The following ANPEP variants were observed in gnomAD, a reference collection of about 807,000 sequenced individuals.
ANPEP encodes alanyl aminopeptidase, membrane.
A neutral mutation model predicts 114.6 loss-of-function variants in ANPEP; 70 were observed. The observed-to-expected ratio is 0.61, with a 90% CI of 0.50 to 0.75. The LOEUF is 0.75. Ranked by LOEUF, ANPEP falls within the 30% of genes least tolerant of loss-of-function variation. ANPEP has a pLI of 0.00. For missense variants in ANPEP, 1,184 were observed against 1,259.5 expected (o/e 0.94, Z 0.91); for synonymous variants, 548 against 522.3 (o/e 1.05, Z -0.67).
At position 89,804,405 on chromosome 15, in the gene ANPEP, G is replaced by C; in HGVS notation, c.1027C>G (p.Gln343Glu). The C allele has an allele frequency of 6.2e-7, 1 of 1,614,222 alleles. No homozygotes were observed. Among genetic ancestry groups the C allele is most frequent in the Non-Finnish European group, 8.5e-7 (1 of 1,180,030 alleles). Residue 343 changes from glutamine to glutamate, a missense_variant and splice_region_variant, in exon 6 of 21, where the codon CAG becomes GAG. Coordinates refer to ENST00000300060, the MANE Select transcript of ANPEP (RefSeq NM_001150.3). ...GCGTTGAAGTCTGGCAGGCCAATCT[G>C]GTCTGGGGAGGCGATGCCATTGGCA... ...DTPYPLPKSD[Q>E]IGLPDFNAGA...
chr15:89,796,747 G>C (rs34493756), intron 15 of ANPEP, among the ~76,000 whole-genome samples: 1 of 151,704 alleles, frequency 6.6e-6, no homozygotes, highest in South Asian at 2.1e-4. Flanking sequence ...CGCCTGCCTC[G>C]GCCTCCCAAA....
Position 89,806,827 on chromosome 15 carries a change from C to A in ANPEP, c.-223-21G>T. On this transcript the variant is annotated intron_variant, in intron 1 of 20. Transcript: ENST00000300060. This position sits in a 1 kb window ranked among gnomAD's most constrained non-coding sequence, Gnocchi z 5.7. ...GGTGCCTGCTGGAAGCAAACAGTGTCTGGTTACAGGCTGCAGGCGGCCTGG... is the reference window on the plus strand; with the variant it reads ...GGTGCCTGCTGGAAGCAAACAGTGTATGGTTACAGGCTGCAGGCGGCCTGG... 1 of 555,684 alleles carries A rather than the reference C, an allele frequency of 1.8e-6. No individual in the cohort carries two copies. Among genetic ancestry groups the A allele is most frequent in the Non-Finnish European group, 3.1e-6 (1 of 327,324 alleles). The allele number at this position is 555,684 out of a possible 1,614,324, so 34.4% of individuals were successfully genotyped here.
chr15:89,810,735 A>G (rs1196590312), intron 1 of ANPEP, among the ~76,000 whole-genome samples: 4 of 152,346 alleles, frequency 2.6e-5, no homozygotes, highest in African/African-American at 9.6e-5. Flanking sequence ...GAATGACAAC[A>G]CCCACAGTCC....
chr15:89,790,472 A>G lies in ANPEP; in HGVS notation c.2739T>C (p.Tyr913=), dbSNP rs764741981. The G allele has an allele frequency of 6.2e-7, 1 of 1,613,758 alleles. No homozygotes were observed. The highest frequency in any genetic ancestry group is 1.1e-5 in the South Asian group (1 of 91,074). ...QAVTRRFSTE[Y]ELQQLEQFKK... is the part of the protein sequence containing the mutation. Reference sequence around the variant, plus strand: ...AATGACTTCTTACCTGCTGCAGCTCATACTCGGTGGAGAATCGTCGTGTCA... The same window carrying G: ...AATGACTTCTTACCTGCTGCAGCTCGTACTCGGTGGAGAATCGTCGTGTCA... Residue 913 remains tyrosine (Y), a synonymous_variant, in exon 20 of 21, where the codon TAT becomes TAC. Transcript: ENST00000300060.
intron 20 of ANPEP, among the ~76,000 whole-genome samples, chr15:89,789,456 A>C (rs1177385496): frequency 6.6e-6 from 1 of 152,072 alleles, no homozygotes; most frequent in Non-Finnish European, 1.5e-5. Context: ...GGGTTTGCTA[A>C]GGACAGTGTG....
chr15:89,811,425 T>C (rs977687476), intron 1 of ANPEP, among the ~76,000 whole-genome samples: 2 of 151,928 alleles, frequency 1.3e-5, no homozygotes, highest in Non-Finnish European at 2.9e-5. Context: ...GGCGGACGGA[T>C]CACGAGGTCA....
At position 89,804,530 on chromosome 15, in the gene ANPEP, C is replaced by G. The variant is rs749017463; in HGVS notation, c.985G>C (p.Ala329Pro). 6.2e-7 allele frequency: 1 copy of G among 1,614,176 alleles called. No homozygotes were observed. Among genetic ancestry groups the G allele is most frequent in the Non-Finnish European group, 8.5e-7 (1 of 1,180,042 alleles). The change falls in exon 5 of 21, where the codon GCT becomes CCT. Residue 329 changes from alanine to proline, a missense_variant. Coordinates refer to ENST00000300060, the MANE Select transcript of ANPEP (RefSeq NM_001150.3). ...GGGTAGGGTGTGTCATAATGACCAGCAAAGAAGTTAAGGATGGGGCCCGTC... is the reference window on the plus strand; with the variant it reads ...GGGTAGGGTGTGTCATAATGACCAGGAAAGAAGTTAAGGATGGGGCCCGTC... ...NVTGPILNFF[A>P]GHYDTPYPLP... is the part of the protein sequence containing the mutation.
intron 15 of ANPEP, chr15:89,797,361 A>G: frequency 1.7e-6 from 1 of 594,070 alleles, no homozygotes; most frequent in Non-Finnish European, 2.7e-6. Context: ...GTGCCTGCTC[A>G]CTCACCTCCA....
At chr15:89,810,799 C>T (rs2141816828) in intron 1 of ANPEP, among the ~76,000 whole-genome samples, 1 of 152,312 alleles carries the variant, frequency 6.6e-6, no homozygotes, top group Non-Finnish European at 1.5e-5. Flanking sequence ...TCTCTGGCCT[C>T]ATCTCAAACG....
At position 89,808,113 on chromosome 15, in the gene ANPEP, C is replaced by T. The variant is rs113274299; in HGVS notation, c.-223-1307G>A. Reference sequence around the variant, plus strand: ...GACCTTCTAAAGGCACCCACAAGCCCGGGTACAGTCAGCCTGCCCATTTCC... The same window carrying T: ...GACCTTCTAAAGGCACCCACAAGCCTGGGTACAGTCAGCCTGCCCATTTCC... On this transcript the variant is annotated intron_variant, in intron 1 of 20. Transcript: ENST00000300060. 3.3e-3 allele frequency among the ~76,000 whole-genome samples: 501 copies of T among 152,232 alleles called. 4 individuals are homozygous for T. Among genetic ancestry groups the T allele is most frequent in the African/African-American group, 0.011 (473 of 41,528 alleles).
chr15:89,800,663 G>A (rs111345034), intron 12 of ANPEP, among the ~76,000 whole-genome samples: 1,743 of 149,164 alleles, frequency 0.012, 37 homozygotes, highest in African/African-American at 0.04. Context: ...CCAGGTTCAA[G>A]CAATTCTCCT....
Position 89,805,596 on chromosome 15 carries a change from C to T in ANPEP, c.615-133G>A. The T allele has an allele frequency of 3.1e-5, 40 of 1,304,402 alleles. 1 individual carries two copies. In the South Asian group the frequency reaches 4.4e-4, roughly 14 times the overall value. 80.8% of individuals were successfully genotyped at this position (1,304,402 alleles called of 1,614,324 possible). On this transcript the variant is annotated intron_variant, in intron 2 of 20. Transcript: ENST00000300060. The stretch of plus-strand genomic sequence containing the variant: ...GCCTAACCCCTGCTCCTGCTCCCAC[C>T]CCCGCCTCGCCGGGAGCCTCCGGAG...
In ANPEP at chr15:89,801,771, T is replaced by C. The variant is rs374690252; in HGVS notation, c.1570-164A>G. Among the ~76,000 whole-genome samples, 98 of 152,336 alleles carry C rather than the reference T, an allele frequency of 6.4e-4. 2 individuals are homozygous for C. Among genetic ancestry groups the C allele is most frequent in the Admixed American group, 4.6e-3 (70 of 15,302 alleles). On this transcript the variant is annotated intron_variant, in intron 10 of 20. Transcript: ENST00000300060. ...CGGGAGCCAGGGTACCGTCCAGCTC[T>C]GCCTCTCCTCGGCTGCTCAGTGCTG...
At position 89,799,617 on chromosome 15, in the gene ANPEP, G is replaced by A. The variant is rs1894545360; in HGVS notation, c.1820-58C>T. Reference sequence around the variant, plus strand: ...CTCAGAGGCCATGGGCTGACCCCTGGACCTCTTGCAAGAGCAGCTGCCCCC... The same window carrying A: ...CTCAGAGGCCATGGGCTGACCCCTGAACCTCTTGCAAGAGCAGCTGCCCCC... On this transcript the variant is annotated intron_variant, in intron 12 of 20. Transcript: ENST00000300060. This position sits in a 1 kb window ranked among gnomAD's most constrained non-coding sequence, Gnocchi z 4.2. 1.2e-6 allele frequency: 2 copies of A among 1,608,122 alleles called. No individual in the cohort carries two copies. The highest frequency in any genetic ancestry group is 1.7e-6 in the Non-Finnish European group (2 of 1,176,182).
Position 89,803,586 on chromosome 15 carries a change from G to A in ANPEP, c.1437+61C>T, listed in dbSNP as rs756398386. 1 of 1,601,594 alleles carries A rather than the reference G, an allele frequency of 6.2e-7. No homozygotes were observed. Among genetic ancestry groups the A allele is most frequent in the African/African-American group, 1.3e-5 (1 of 74,888 alleles). On this transcript the variant is annotated intron_variant, in intron 8 of 20. Transcript: ENST00000300060. The surrounding 1 kb of genome is among the most constrained non-coding windows in gnomAD (Gnocchi z 4.2). The stretch of plus-strand genomic sequence containing the variant: ...TGTGCCCCCAGACCCTGCCTTCAGT[G>A]AGGCCCCTCCAGGCCAAGTCCCCAC...
intron 15 of ANPEP, among the ~76,000 whole-genome samples, chr15:89,795,681 G>C (rs1968714276): frequency 6.6e-6 from 1 of 152,186 alleles, no homozygotes; most frequent in Admixed American, 6.5e-5. Flanking sequence ...AAACTCAGCT[G>C]AACGCTCAAT....
At chr15:89,786,498 C>A (rs1968510129) in intron 20 of ANPEP, among the ~76,000 whole-genome samples, 1 of 151,304 alleles carries the variant, frequency 6.6e-6, no homozygotes, top group African/African-American at 2.4e-5. Context: ...GTTGGCCAGC[C>A]TGGGCAAGAT....
At position 89,785,161 on chromosome 15, in the gene ANPEP, G is replaced by A; in HGVS notation, c.*188C>T. 3 of 737,792 alleles carry A rather than the reference G, an allele frequency of 4.1e-6. No individual in the cohort carries two copies. The highest frequency in any genetic ancestry group is 2.2e-6 in the Non-Finnish European group (1 of 464,066). 45.7% of individuals were successfully genotyped at this position (737,792 alleles called of 1,614,324 possible). ...GCATGAGGGGCAGGGGCTGGGAGGT[G>A]CTCAGGCAGCCTGGGTCATCAGGAA... On this transcript the variant is annotated 3_prime_UTR_variant, in exon 21 of 21. Transcript: ENST00000300060.
intron 20 of ANPEP, among the ~76,000 whole-genome samples, chr15:89,786,344 C>T (rs1968506249): frequency 6.7e-6 from 1 of 150,110 alleles, no homozygotes; most frequent in African/African-American, 2.5e-5. Context: ...GCAATAGTCC[C>T]CATATTGCTC....
Sources: allele counts gnomAD v4.1 joint callset (sites outside exome capture counted in the v4.1 genomes callset), GRCh38; gene constraint gnomAD v4.1.1; non-coding constraint Gnocchi (gnomAD v3.1); transcripts MANE v1.5; gene names NCBI Gene and HGNC (gene_info 2026-07-23, HGNC 2026-07-21).